The following GSE1 variants were observed in gnomAD, a reference collection of about 807,000 sequenced individuals.
The protein encoded by GSE1 is genetic suppressor element 1.
A neutral mutation model predicts 112.6 loss-of-function variants in GSE1; 32 were observed. The observed-to-expected ratio is 0.28, with a 90% confidence interval of 0.21 to 0.38. The LOEUF (loss-of-function observed/expected upper bound fraction) is 0.38, where lower values mean the gene tolerates loss of function less well. GSE1 is among the 10% of genes least tolerant of loss of function. GSE1 has a pLI of 1.00. For missense variants in GSE1, 2,348 were observed against 1,699.2 expected (o/e 1.38, Z -6.71); for synonymous variants, 1,115 against 735.6 (o/e 1.52, Z -8.35).
At chr16:85,455,400 AG>A (rs201443129) in intron 2 of GSE1, among the ~76,000 whole-genome samples, 3,710 of 152,022 alleles carry the variant, frequency 0.024, 146 homozygotes, top group African/African-American at 0.084. Context: ...AGAGAGAGAG[AG>A]AGAAAGAAAG....
intron 2 of GSE1, among the ~76,000 whole-genome samples, chr16:85,375,752 C>CG (rs910336302): frequency 6.6e-6 from 1 of 152,014 alleles, no homozygotes; most frequent in African/African-American, 2.4e-5. Context: ...CTGTCTCTCC[C>CG]GGGGGCAGCT....
chr16:85,393,489 T>C (rs2047894236), intron 2 of GSE1, among the ~76,000 whole-genome samples: 1 of 152,172 alleles, frequency 6.6e-6, no homozygotes, highest in Non-Finnish European at 1.5e-5. Context: ...ACACAGTAGG[T>C]GCCTAATAAA....
At chr16:85,266,755 G>C (rs1364607300) in intron 1 of GSE1, among the ~76,000 whole-genome samples, 2 of 152,264 alleles carry the variant, frequency 1.3e-5, no homozygotes, top group Middle Eastern at 6.8e-3. Flanking sequence ...GGCTGGGAGG[G>C]GTGGGCAGAG....
intron 2 of GSE1, among the ~76,000 whole-genome samples, chr16:85,446,140 A>G (rs775137643): frequency 6.6e-6 from 1 of 152,198 alleles, no homozygotes; most frequent in Non-Finnish European, 1.5e-5. Context: ...TGGCCCTGGC[A>G]TCCCACCAGG....
chr16:85,255,972 G>T (rs1306773142), intron 1 of GSE1, among the ~76,000 whole-genome samples: 1 of 151,988 alleles, frequency 6.6e-6, no homozygotes, highest in Non-Finnish European at 1.5e-5. Flanking sequence ...ACAGGCGTGA[G>T]CCACCACACC....
chr16:85,618,593 C>T (rs1232900733), intron 1 of GSE1, among the ~76,000 whole-genome samples: 3 of 152,230 alleles, frequency 2.0e-5, no homozygotes, highest in Non-Finnish European at 4.4e-5. Context: ...GGGTTAAAGC[C>T]TTTATTACCA....
chr16:85,221,203 C>T (rs568925442), intron 1 of GSE1, among the ~76,000 whole-genome samples: 1 of 152,116 alleles, frequency 6.6e-6, no homozygotes, highest in Non-Finnish European at 1.5e-5. Context: ...GCTGTCCCTC[C>T]CGTGCTGGGC....
At chr16:85,335,172 C>G (rs1476284128) in intron 1 of GSE1, among the ~76,000 whole-genome samples, 1 of 152,254 alleles carries the variant, frequency 6.6e-6, no homozygotes, top group Admixed American at 6.5e-5. Context: ...GCCAGGGAAC[C>G]TCGGAGGGTG....
At chr16:85,212,065 C>T (rs539607652) in intron 1 of GSE1, among the ~76,000 whole-genome samples, 27 of 152,270 alleles carry the variant, frequency 1.8e-4, no homozygotes, top group African/African-American at 5.8e-4. Context: ...CCCAGTTCCT[C>T]GGAATGTGCC....
rs1284117353 is a variant in GSE1 at position 85,654,448 on chromosome 16, C to G, written c.597C>G (p.Leu199=). Residue 199 remains leucine, a splice_region_variant and synonymous_variant, in exon 4 of 16, where the codon CTC becomes CTG. Coordinates refer to ENST00000253458, the MANE Select transcript of GSE1 (RefSeq NM_014615.5). The part of the protein sequence containing the change: ...SVVQDSRFPP[L]NLQRPVHHVV... ...TGCAGGATTCCCGCTTCCCGCCACT[C>G]AAGTAAGTTGGTCGGCGGGGACTTC... 1.3e-6 allele frequency: 2 copies of G among 1,565,214 alleles called. No homozygotes were observed. Among genetic ancestry groups the G allele is most frequent in the East Asian group, 2.3e-5 (1 of 44,412 alleles).
At chr16:85,564,498 TG>T (rs1381666665) in intron 1 of GSE1, among the ~76,000 whole-genome samples, 21 of 151,980 alleles carry the variant, frequency 1.4e-4, no homozygotes, top group Admixed American at 1.4e-3. Flanking sequence ...TGGTTTGAGA[TG>T]GGGGTGAAGG....
At chr16:85,635,345 C>T (rs2049901983) in intron 2 of GSE1, among the ~76,000 whole-genome samples, 2 of 152,200 alleles carry the variant, frequency 1.3e-5, no homozygotes, top group Admixed American at 1.3e-4. Context: ...CAGGCACAGG[C>T]AGGACCGCCA....
chr16:85,465,462 G>A (rs1023099033), intron 2 of GSE1, among the ~76,000 whole-genome samples: 10 of 152,252 alleles, frequency 6.6e-5, no homozygotes, highest in Non-Finnish European at 4.4e-5. Flanking sequence ...TCTCCCATTC[G>A]TTCCATGGGG....
intron 12 of GSE1, among the ~76,000 whole-genome samples, chr16:85,665,335 G>A (rs2052754840): frequency 6.6e-6 from 1 of 152,262 alleles, no homozygotes; most frequent in South Asian, 2.1e-4. Context: ...TCAGAGTTGA[G>A]GGGAGGGTCT....
intron 1 of GSE1, among the ~76,000 whole-genome samples, chr16:85,222,782 A>G (rs919993128): frequency 1.3e-5 from 2 of 152,066 alleles, no homozygotes; most frequent in Non-Finnish European, 2.9e-5. Flanking sequence ...GCTTTTGTTT[A>G]TTGATTTTCT....
intron 1 of GSE1, among the ~76,000 whole-genome samples, chr16:85,252,674 A>C (rs897391788): frequency 1.3e-5 from 2 of 152,202 alleles, no homozygotes; most frequent in Admixed American, 1.3e-4. Context: ...AACTGAGGTC[A>C]TGCCGGTGTG....
At chr16:85,602,828 G>T (rs546551351) in intron 1 of GSE1, among the ~76,000 whole-genome samples, 1 of 152,240 alleles carries the variant, frequency 6.6e-6, no homozygotes, top group Non-Finnish European at 1.5e-5. Flanking sequence ...TGCTGCCAGC[G>T]ATGTACCCGG....
intron 2 of GSE1, among the ~76,000 whole-genome samples, chr16:85,532,607 G>A (rs149819014): frequency 3.3e-4 from 50 of 152,168 alleles, no homozygotes; most frequent in African/African-American, 1.1e-3. Context: ...TACATGCCAC[G>A]TCTGTGTGTC....
chr16:85,647,291 C>T (rs1460324739), intron 2 of GSE1, among the ~76,000 whole-genome samples: 2 of 152,192 alleles, frequency 1.3e-5, no homozygotes, highest in East Asian at 1.9e-4. Flanking sequence ...CTGCAGCCAC[C>T]CATTCTCCCA....
Sources: gnomAD v4.1 joint callset for allele counts (sites outside exome capture counted in the v4.1 genomes callset) on GRCh38, gnomAD v4.1.1 for gene constraint, MANE v1.5 for transcripts, NCBI Gene and HGNC (gene_info 2026-07-23, HGNC 2026-07-21) for gene names.